PDE8A: variants seen among roughly 807,000 people sequenced by gnomAD.
The protein encoded by PDE8A is high affinity cAMP-specific and IBMX-insensitive 3',5'-cyclic phosphodiesterase 8A.
PDE8A carries 59 observed loss-of-function variants against 105.0 expected under a neutral mutation model. That is an observed-to-expected ratio of 0.56 (90% confidence interval 0.46 to 0.70). The LOEUF (loss-of-function observed/expected upper bound fraction) is 0.70, where lower values mean the gene tolerates loss of function less well. Ranked by LOEUF, PDE8A falls within the 30% of genes least tolerant of loss-of-function variation. The pLI, the probability that PDE8A is intolerant of heterozygous loss-of-function variation, is 0.00. For synonymous variants in PDE8A, 355 were observed against 371.9 expected, an observed-to-expected ratio of 0.95 and a Z score of 0.52; for missense variants, 1,014 against 1,045.9, an observed-to-expected ratio of 0.97 and a Z score of 0.42.
chr15:85,015,205 G>A (rs913241772), intron 1 of PDE8A, among the ~76,000 whole-genome samples: 11 of 151,120 alleles, frequency 7.3e-5, no homozygotes, highest in Non-Finnish European at 1.2e-4. Context: ...GAACATTTGA[G>A]TTGTTTCCCT....
At chr15:85,016,678 G>A (rs1339774479) in intron 1 of PDE8A, among the ~76,000 whole-genome samples, 2 of 152,184 alleles carry the variant, frequency 1.3e-5, no homozygotes, top group Non-Finnish European at 2.9e-5. Flanking sequence ...TTGTCTAGCT[G>A]TGGGAAGAAA....
At chr15:85,111,205 A>G (rs1344750071) in intron 12 of PDE8A, among the ~76,000 whole-genome samples, 1 of 152,206 alleles carries the variant, frequency 6.6e-6, no homozygotes, top group East Asian at 1.9e-4. Flanking sequence ...ATTCTTAATC[A>G]AAGAGCAGAG....
At chr15:85,085,057 G>A (rs963454350) in intron 6 of PDE8A, among the ~76,000 whole-genome samples, 3 of 152,072 alleles carry the variant, frequency 2.0e-5, no homozygotes, top group Non-Finnish European at 2.9e-5. Context: ...CCACACAGAC[G>A]TAACACAATT....
chr15:85,028,503 C>A (rs2080556461), intron 1 of PDE8A, among the ~76,000 whole-genome samples: 1 of 152,162 alleles, frequency 6.6e-6, no homozygotes, highest in Admixed American at 6.5e-5. Flanking sequence ...GTGTGAGCCA[C>A]CACGCCCGCC....
intron 1 of PDE8A, among the ~76,000 whole-genome samples, chr15:84,994,315 G>T (rs535074703): frequency 6.6e-6 from 1 of 152,142 alleles, no homozygotes; most frequent in Non-Finnish European, 1.5e-5. Context: ...TCTGATTGCT[G>T]TATTAAAAAC....
At chr15:85,089,710 G>A (rs145074528) in intron 7 of PDE8A, among the ~76,000 whole-genome samples, 1 of 152,310 alleles carries the variant, frequency 6.6e-6, no homozygotes, top group East Asian at 1.9e-4. Context: ...TGAAAAGGAT[G>A]ATTGCTGGGG....
chr15:85,071,830 A>G (rs1293311372), intron 3 of PDE8A, among the ~76,000 whole-genome samples: 2 of 152,184 alleles, frequency 1.3e-5, no homozygotes, highest in African/African-American at 2.4e-5. Context: ...GAAAAGTGCC[A>G]CCACATAATG....
At chr15:85,032,480 T>C (rs2080631616) in intron 1 of PDE8A, among the ~76,000 whole-genome samples, 1 of 152,226 alleles carries the variant, frequency 6.6e-6, no homozygotes, top group Non-Finnish European at 1.5e-5. Flanking sequence ...TTTAAAGACC[T>C]AGACTTCCTT....
intron 19 of PDE8A, 106 bp downstream of exon 19, chr15:85,123,299 G>A: frequency 1.1e-6 from 1 of 937,352 alleles, no homozygotes; most frequent in Non-Finnish European, 1.7e-6. Flanking sequence ...TTCCCTCAGT[G>A]AGTCTATTAG....
chr15:85,039,945 G>A (rs2080773917), intron 1 of PDE8A, among the ~76,000 whole-genome samples: 1 of 152,064 alleles, frequency 6.6e-6, no homozygotes, highest in South Asian at 2.1e-4. Flanking sequence ...GTAGGGGAGT[G>A]GTAGATGGGA....
At chr15:85,106,823 G>T (rs922689184) in intron 11 of PDE8A, among the ~76,000 whole-genome samples, 2 of 152,356 alleles carry the variant, frequency 1.3e-5, no homozygotes, top group African/African-American at 4.8e-5. Flanking sequence ...CTGAGACGCT[G>T]AAGGATTTTG....
Position 85,109,079 on chromosome 15 carries a change from A to G in PDE8A, c.1063A>G (p.Arg355Gly). ...TDNQTGKHKD[R>G]RKGSLDVKAV... The stretch of plus-strand genomic sequence containing the variant: ...TAATCAGACAGGCAAACATAAAGAC[A>G]GGAGAAAAGGCTCACTAGACGTCAA... Residue 355 changes from arginine (R) to glycine (G), a missense_variant, in exon 12 of 22, where the codon AGG becomes GGG. By Grantham distance (125) the Arg-to-Gly change is moderately radical (BLOSUM62 -2). Transcript: ENST00000394553. 1 of 1,610,934 alleles carries G rather than the reference A, an allele frequency of 6.2e-7. No individual in the cohort carries two copies.
Position 85,115,987 on chromosome 15 carries a change from C to T in PDE8A, c.1403C>T (p.Thr468Ile). 6.2e-7 allele frequency: 1 copy of T among 1,612,184 alleles called. No homozygotes were observed. ...GNEYVLSTKN[T>I]QMVSSNIITP... ...TCCAAATTACATCACTTTACAGACA[C>T]TCAAATGGTTTCAAGCAATATAATC... Residue 468 changes from threonine (T) to isoleucine (I), a missense_variant, in exon 16 of 22, where the codon ACT (threonine) becomes ATT (isoleucine). By Grantham distance (89) the Thr-to-Ile change is moderately conservative (BLOSUM62 -1). Coordinates refer to ENST00000394553, the MANE Select transcript of PDE8A (RefSeq NM_002605.3).
intron 1 of PDE8A, among the ~76,000 whole-genome samples, chr15:85,025,659 T>C (rs1195302340): frequency 6.6e-6 from 1 of 152,220 alleles, no homozygotes; most frequent in African/African-American, 2.4e-5. Flanking sequence ...TATTCATTAA[T>C]AGAAAAACCT....
rs184298749 is a variant in PDE8A at position 85,029,940 on chromosome 15, G to A, written c.187-34430G>A. On this transcript the variant is annotated intron_variant, in intron 1 of 21. Transcript: ENST00000394553. ...AAAGAAGTCTCCACCTCTCCCCAGC[G>A]GGCTTCCCCTCAGGTCCCACTGACC... 7.0e-3 allele frequency among the ~76,000 whole-genome samples: 1,071 copies of A among 152,256 alleles called. 3 individuals are homozygous for A. Among genetic ancestry groups the A allele is most frequent in the Non-Finnish European group, 0.012 (800 of 68,024 alleles).
At chr15:85,114,075 C>T in intron 14 of PDE8A, 38 bp downstream of exon 14, 1 of 1,569,176 alleles carries the variant, frequency 6.4e-7, no homozygotes, top group Non-Finnish European at 8.8e-7. Flanking sequence ...TAGAGCCTGT[C>T]TGTTCTTGGT....
At chr15:85,056,896 G>A (rs572127487) in intron 1 of PDE8A, among the ~76,000 whole-genome samples, 3 of 152,298 alleles carry the variant, frequency 2.0e-5, no homozygotes, top group South Asian at 4.1e-4. Flanking sequence ...GAGGCACTCC[G>A]ATTTTTAGAA....
chr15:85,043,899 A>C (rs919485688), intron 1 of PDE8A, among the ~76,000 whole-genome samples: 1 of 152,094 alleles, frequency 6.6e-6, no homozygotes, highest in Non-Finnish European at 1.5e-5. Context: ...GGGTTTCACC[A>C]TATTGGCCAG....
At chr15:85,063,088 G>C (rs914602450) in intron 1 of PDE8A, 3 of 151,584 alleles carry the variant, frequency 2.0e-5, no homozygotes, top group Non-Finnish European at 4.4e-5. Flanking sequence ...AGAATATTAG[G>C]GACCCTCATT....
Sources: gnomAD v4.1 joint callset for allele counts (sites outside exome capture counted in the v4.1 genomes callset) on GRCh38, gnomAD v4.1.1 for gene constraint, MANE v1.5 for transcripts, NCBI Gene and HGNC (gene_info 2026-07-23, HGNC 2026-07-21) for gene names.